THSD4: variants seen among roughly 807,000 people sequenced by gnomAD.
THSD4 encodes thrombospondin type-1 domain-containing protein 4.
A neutral mutation model predicts 119.0 loss-of-function variants in THSD4; 69 were observed. That is an observed-to-expected ratio of 0.58 (90% CI 0.48 to 0.71). The LOEUF is 0.71. Ranked by LOEUF, THSD4 falls within the 30% of genes least tolerant of loss-of-function variation. THSD4 has a pLI of 0.00. For missense variants in THSD4, 1,393 were observed against 1,391.1 expected (o/e 1.00, Z -0.02); for synonymous variants, 524 against 540.4 (o/e 0.97, Z 0.42).
intron 6 of THSD4, among the ~76,000 whole-genome samples, chr15:71,359,573 C>G (rs112851743): frequency 6.6e-6 from 1 of 152,040 alleles, no homozygotes; most frequent in Non-Finnish European, 1.5e-5. Flanking sequence ...TTTGGGAGGG[C>G]GAGGTGGGTA....
At chr15:71,408,086 A>G (rs1485959679) in intron 6 of THSD4, among the ~76,000 whole-genome samples, 1 of 152,052 alleles carries the variant, frequency 6.6e-6, no homozygotes, top group East Asian at 1.9e-4. Flanking sequence ...GTGTTTTCCC[A>G]CTTTCCCTGC....
chr15:71,129,700 A>G (rs1438029125), intron 1 of THSD4, among the ~76,000 whole-genome samples: 5 of 152,234 alleles, frequency 3.3e-5, no homozygotes, highest in African/African-American at 1.2e-4. Context: ...GTGTCAAGGA[A>G]GTCAGACTAA....
chr15:71,375,666 T>C (rs1030078574), intron 6 of THSD4, among the ~76,000 whole-genome samples: 1 of 151,910 alleles, frequency 6.6e-6, no homozygotes, highest in Non-Finnish European at 1.5e-5. Context: ...CCTTGAAAGA[T>C]AAGTTAAGAA....
chr15:71,367,087 T>C (rs1408111345), intron 6 of THSD4, among the ~76,000 whole-genome samples: 1 of 152,180 alleles, frequency 6.6e-6, no homozygotes, highest in Non-Finnish European at 1.5e-5. Flanking sequence ...TGTATAGCGG[T>C]CCTTCAAAAT....
chr15:71,336,964 A>G (rs138568792), intron 6 of THSD4, among the ~76,000 whole-genome samples: 6 of 152,316 alleles, frequency 3.9e-5, no homozygotes, highest in Non-Finnish European at 8.8e-5. Context: ...TTTGCAAGGC[A>G]CAGTTTACTT....
intron 7 of THSD4, among the ~76,000 whole-genome samples, chr15:71,658,086 T>C (rs2051225881): frequency 6.6e-6 from 1 of 152,184 alleles, no homozygotes; most frequent in Admixed American, 6.5e-5. Context: ...GACGGTTCAT[T>C]GTCTCCACTC....
rs1223952295 is a variant in THSD4, at chr15:71,561,905, CACACACACACACACAA to C, written c.1153-98620_1153-98605del. ...ACACACACACACACACACACACACA[CACACACACACACACAA>C]ACACTCACTCACTCTCTCTCTTCTC... On this transcript the variant is annotated intron_variant, in intron 7 of 17. Coordinates refer to ENST00000261862, the MANE Select transcript of THSD4 (RefSeq NM_024817.3). 7.4e-3 allele frequency among the ~76,000 whole-genome samples: 284 copies of C among 38,252 alleles called. 8 individuals carry two copies. Among genetic ancestry groups the C allele is most frequent in the African/African-American group, 0.026 (236 of 8,976 alleles). The allele number at this position is 38,252 out of a possible 152,430, so 25.1% of individuals were successfully genotyped here. A position where few individuals can be genotyped will look rare whatever the true frequency, so the allele number is the denominator to read the frequency against.
intron 1 of THSD4, among the ~76,000 whole-genome samples, chr15:71,128,885 A>G (rs2040478196): frequency 6.6e-6 from 1 of 152,250 alleles, no homozygotes; most frequent in Admixed American, 6.5e-5. Context: ...ACAACCTGGA[A>G]GTACACCCAT....
At chr15:71,588,749 T>C (rs1056253881) in intron 7 of THSD4, among the ~76,000 whole-genome samples, 1 of 152,136 alleles carries the variant, frequency 6.6e-6, no homozygotes, top group African/African-American at 2.4e-5. Flanking sequence ...TGCTTTTAAA[T>C]GAGGCTTATG....
intron 7 of THSD4, among the ~76,000 whole-genome samples, chr15:71,656,171 CA>C (rs1242518727): frequency 4.6e-5 from 7 of 151,658 alleles, no homozygotes; most frequent in African/African-American, 1.7e-4. Context: ...CATGAAACAT[CA>C]AAAAAAGTGC....
chr15:71,196,416 C>T (rs2043719918), intron 3 of THSD4, among the ~76,000 whole-genome samples: 1 of 152,050 alleles, frequency 6.6e-6, no homozygotes, highest in Admixed American at 6.5e-5. Flanking sequence ...CTGTACGATC[C>T]AAATTAGGGG....
intron 2 of THSD4, among the ~76,000 whole-genome samples, chr15:71,154,342 T>G (rs182878219): frequency 5.2e-4 from 79 of 152,262 alleles, no homozygotes; most frequent in Non-Finnish European, 2.9e-5. Flanking sequence ...AGAACATATG[T>G]GACATCAAAA....
chr15:71,099,825 C>T (rs776961421), intron 1 of THSD4, among the ~76,000 whole-genome samples: 48 of 152,130 alleles, frequency 3.2e-4, no homozygotes, highest in Non-Finnish European at 5.9e-4. Flanking sequence ...ATTAGCCGGT[C>T]GTGGTGGCAC....
intron 4 of THSD4, among the ~76,000 whole-genome samples, chr15:71,216,349 C>G (rs1215957571): frequency 6.6e-6 from 1 of 152,240 alleles, no homozygotes; most frequent in African/African-American, 2.4e-5. Context: ...ACTCACAGTT[C>G]AGCATCAGTC....
At chr15:71,328,759 A>C (rs2045380639) in intron 6 of THSD4, among the ~76,000 whole-genome samples, 1 of 152,234 alleles carries the variant, frequency 6.6e-6, no homozygotes. Flanking sequence ...TGCATGACCC[A>C]GAACATTTGA....
intron 6 of THSD4, among the ~76,000 whole-genome samples, chr15:71,383,373 T>A (rs1182936334): frequency 6.6e-6 from 1 of 152,192 alleles, no homozygotes; most frequent in Admixed American, 6.5e-5. Context: ...AACATTTATA[T>A]CTCAAAGGCA....
In THSD4 at chr15:71,758,064, A is replaced by G. The variant is rs767563076; in HGVS notation, c.2578A>G (p.Ser860Gly). 6.3e-7 allele frequency: 1 copy of G among 1,580,218 alleles called. No individual in the cohort carries two copies. The highest frequency in any genetic ancestry group is 8.6e-7 in the Non-Finnish European group (1 of 1,162,106). The change falls in exon 15 of 18, where the codon AGC becomes GGC. Residue 860 changes from serine (S) to glycine (G), a missense_variant. Ser to Gly is a moderately conservative substitution (Grantham distance 56). Transcript: ENST00000261862. The part of the protein sequence containing the change: ...CTGKVEWFAG[S>G]WSQCSIECGS... ...GGGCAAGGTGGAGTGGTTTGCCGGG[A>G]GCTGGAGTCAGGTGAGTGGCCAGAA... is the stretch of plus-strand genomic sequence containing the variant.
At chr15:71,122,262 C>G (rs2040415037) in intron 1 of THSD4, among the ~76,000 whole-genome samples, 1 of 152,158 alleles carries the variant, frequency 6.6e-6, no homozygotes, top group Non-Finnish European at 1.5e-5. Flanking sequence ...ATTTAATCCT[C>G]TCAACAACCT....
intron 6 of THSD4, among the ~76,000 whole-genome samples, chr15:71,388,200 C>T (rs1344871778): frequency 6.6e-6 from 1 of 152,210 alleles, no homozygotes; most frequent in Non-Finnish European, 1.5e-5. Context: ...TTTTAACACT[C>T]TTGAGGGCTT....
Sources: allele counts gnomAD v4.1 joint callset (sites outside exome capture counted in the v4.1 genomes callset), GRCh38; gene constraint gnomAD v4.1.1; transcripts MANE v1.5; gene names NCBI Gene and HGNC (gene_info 2026-07-23, HGNC 2026-07-21).